The following CCDC91 variants were observed in gnomAD, a reference collection of about 807,000 sequenced individuals.
CCDC91 encodes coiled-coil domain-containing protein 91.
Under a neutral mutation model 63.2 loss-of-function variants are expected in CCDC91, and 48 were observed. The observed-to-expected ratio is 0.76, with a 90% CI of 0.60 to 0.97. CCDC91 has a LOEUF of 0.97. Among genes scored for constraint, CCDC91 ranks in the 50% least tolerant of loss-of-function variants. CCDC91 has a pLI of 0.00. For synonymous variants in CCDC91, 167 were observed against 165.8 expected, an observed-to-expected ratio of 1.01 and a Z score of -0.06; for missense variants, 500 against 494.6, an observed-to-expected ratio of 1.01 and a Z score of -0.10.
chr12:28,370,993 G>T, intron 7 of CCDC91, among the ~76,000 whole-genome samples: 1 of 152,056 alleles, frequency 6.6e-6, no homozygotes, highest in Admixed American at 6.6e-5. Context: ...GATGAAATTT[G>T]GGTGGGGACA....
chr12:28,375,832 C>T (rs529309064), intron 7 of CCDC91, among the ~76,000 whole-genome samples: 3 of 151,842 alleles, frequency 2.0e-5, no homozygotes, highest in Non-Finnish European at 2.9e-5. Context: ...TTCTTAATGT[C>T]TCATCTTAAT....
chr12:28,420,159 A>G (rs1947915944), intron 8 of CCDC91, among the ~76,000 whole-genome samples: 1 of 152,154 alleles, frequency 6.6e-6, no homozygotes, highest in Admixed American at 6.6e-5. Flanking sequence ...ACCAGTAACT[A>G]ATAGGTAACA....
At chr12:28,352,602 C>T (rs1051037243) in intron 6 of CCDC91, among the ~76,000 whole-genome samples, 6 of 152,156 alleles carry the variant, frequency 3.9e-5, no homozygotes, top group East Asian at 1.9e-4. Flanking sequence ...GTAATTGCAG[C>T]GTTCAGTCAC....
intron 12 of CCDC91, 31 bp downstream of exon 12, chr12:28,484,196 G>A (rs1484866447): frequency 1.6e-6 from 2 of 1,287,856 alleles, no homozygotes; most frequent in Non-Finnish European, 2.2e-6. Flanking sequence ...TTTAATTTGT[G>A]CTTCAATAAA....
intron 3 of CCDC91, among the ~76,000 whole-genome samples, chr12:28,267,939 TA>T (rs1306998931): frequency 2.9e-5 from 3 of 105,240 alleles, no homozygotes; most frequent in Non-Finnish European, 5.3e-5. Context: ...TATATAATTA[TA>T]TATAATTATT....
At chr12:28,475,700 A>G (rs1007792731) in intron 11 of CCDC91, among the ~76,000 whole-genome samples, 2 of 151,890 alleles carry the variant, frequency 1.3e-5, no homozygotes, top group African/African-American at 2.4e-5. Context: ...GTATTCTACC[A>G]TGTTATGATG....
rs535567055 is a variant in CCDC91, at chr12:28,221,772, C to G, written c.-15+31131C>G. ...AATCTGTTCACTCACTTTTGTTGTT[C>G]TTTTCCTGTCCTTGGGTAATTTTCT... On this transcript the variant is annotated intron_variant, in intron 1 of 12. Transcript: ENST00000536442. 1.1e-4 allele frequency among the ~76,000 whole-genome samples: 17 copies of G among 152,266 alleles called. No homozygotes were observed. In the East Asian group the frequency reaches 3.3e-3, roughly 29 times the overall value.
chr12:28,201,415 A>G (rs3104109), intron 1 of CCDC91, among the ~76,000 whole-genome samples: 1 of 133,904 alleles, frequency 7.5e-6, no homozygotes, highest in African/African-American at 2.7e-5. Flanking sequence ...GGCTCTCCCC[A>G]CATCTCAGAC....
chr12:28,392,894 A>G (rs1444852160), intron 8 of CCDC91, among the ~76,000 whole-genome samples: 2 of 152,208 alleles, frequency 1.3e-5, no homozygotes, highest in African/African-American at 2.4e-5. Context: ...TTTATTCCCA[A>G]CATGCCTAGT....
At chr12:28,335,299 T>C (rs1424106964) in intron 6 of CCDC91, among the ~76,000 whole-genome samples, 2 of 134,162 alleles carry the variant, frequency 1.5e-5, no homozygotes, top group East Asian at 2.1e-4. Context: ...TATAATATAA[T>C]ATATAATACA....
chr12:28,491,567 A>T (rs1224743574), intron 12 of CCDC91, among the ~76,000 whole-genome samples: 1 of 151,820 alleles, frequency 6.6e-6, no homozygotes, highest in African/African-American at 2.4e-5. Flanking sequence ...ATCAGGATGG[A>T]CTTTTGGTTT....
intron 8 of CCDC91, among the ~76,000 whole-genome samples, chr12:28,413,283 C>A (rs2139754185): frequency 6.6e-6 from 1 of 152,146 alleles, no homozygotes; most frequent in Admixed American, 6.5e-5. Flanking sequence ...CAACTAAGAG[C>A]CTGTTGAAGC....
intron 12 of CCDC91, among the ~76,000 whole-genome samples, chr12:28,532,111 T>C (rs1052916441): frequency 8.6e-5 from 13 of 151,996 alleles, no homozygotes; most frequent in African/African-American, 3.1e-4. Context: ...GCACAACATA[T>C]ACAAAAGCCT....
chr12:28,361,022 A>G (rs1943842833), intron 6 of CCDC91, among the ~76,000 whole-genome samples: 1 of 151,584 alleles, frequency 6.6e-6, no homozygotes, highest in South Asian at 2.1e-4. Context: ...TTAAAATTTT[A>G]TGTAAAATGT....
intron 12 of CCDC91, among the ~76,000 whole-genome samples, chr12:28,517,138 C>T (rs572114527): frequency 2.9e-4 from 44 of 152,050 alleles, no homozygotes; most frequent in Non-Finnish European, 5.0e-4. Context: ...ATTTCCTCAT[C>T]CTAGTTTTTC....
chr12:28,414,154 C>T (rs1408666336), intron 8 of CCDC91, among the ~76,000 whole-genome samples: 2 of 152,094 alleles, frequency 1.3e-5, no homozygotes, highest in Non-Finnish European at 2.9e-5. Flanking sequence ...CATCAAAACT[C>T]GTTTGTCTTT....
rs192545296 is a variant in CCDC91, at chr12:28,548,854, T to C, written c.1216-209T>C. ...CTAATAACTGAGTAACAACATCAGT[T>C]ATAAAACTATAATGATTATCATCTC... is the stretch of plus-strand genomic sequence containing the variant. On this transcript the variant is annotated intron_variant, in intron 12 of 12. Coordinates refer to ENST00000536442, the MANE Select transcript of CCDC91 (RefSeq NM_018318.5). Among the ~76,000 whole-genome samples the C allele has an allele frequency of 2.6e-5, 4 of 152,326 alleles. No individual in the cohort carries two copies. In the East Asian group the frequency reaches 7.7e-4, roughly 29 times the overall value.
At chr12:28,498,494 C>T (rs961335865) in intron 12 of CCDC91, among the ~76,000 whole-genome samples, 5 of 151,592 alleles carry the variant, frequency 3.3e-5, no homozygotes, top group Admixed American at 6.6e-5. Flanking sequence ...GAAGCAGGGA[C>T]GTACATTCCA....
intron 12 of CCDC91, among the ~76,000 whole-genome samples, chr12:28,512,059 T>TA (rs1565500006): frequency 6.6e-6 from 1 of 151,874 alleles, no homozygotes; most frequent in African/African-American, 2.4e-5. Context: ...ATCTTATTTT[T>TA]AAAAAATCTC....
Sources: allele counts gnomAD v4.1 joint callset (sites outside exome capture counted in the v4.1 genomes callset), GRCh38; gene constraint gnomAD v4.1.1; transcripts MANE v1.5; gene names NCBI Gene and HGNC (gene_info 2026-07-23, HGNC 2026-07-21).